CCDC88B: variants seen among roughly 807,000 people sequenced by gnomAD.
The protein encoded by CCDC88B is coiled-coil domain-containing protein 88B.
CCDC88B carries 138 observed loss-of-function variants against 183.7 expected under a neutral mutation model. That is an observed-to-expected ratio of 0.75 (90% CI 0.65 to 0.87). The LOEUF is 0.87. Among genes scored for constraint, CCDC88B ranks in the 40% least tolerant of loss-of-function variants. The pLI is 0.00. For missense variants in CCDC88B, 1,822 were observed against 1,965.6 expected (o/e 0.93, Z 1.38); for synonymous variants, 835 against 867.5 (o/e 0.96, Z 0.66).
intron 16 of CCDC88B, chr11:64,350,811 A>T: frequency 5.6e-6 from 1 of 179,790 alleles, no homozygotes; most frequent in Non-Finnish European, 1.2e-5. Flanking sequence ...CAGAGGTTGC[A>T]GTGAGCCCAG....
rs1197715794 is a variant in CCDC88B at position 64,343,658 on chromosome 11, G to C, written c.1318+43G>C. On this transcript the variant is annotated intron_variant, in intron 12 of 26. Transcript: ENST00000356786. ...AAGGGCTGGGGTGGGGGCTTCCTAT[G>C]CTTTCCAGCAGTGTACTGGGGAGAG... 3 of 1,548,578 alleles carry C rather than the reference G, an allele frequency of 1.9e-6. No homozygotes were observed. In the Admixed American group the frequency reaches 5.9e-5, roughly 30 times the overall value.
Position 64,353,396 on chromosome 11 carries a change from C to T in CCDC88B, c.3733C>T (p.Leu1245=), listed in dbSNP as rs1331647045. The T allele has an allele frequency of 6.2e-7, 1 of 1,613,402 alleles. No homozygotes were observed. The highest frequency in any genetic ancestry group is 1.3e-5 in the African/African-American group (1 of 74,930). Residue 1245 remains leucine (L), a synonymous_variant, in exon 22 of 27, where the codon CTG becomes TTG. Transcript: ENST00000356786. ...TGCCCAGGAAGAGGAGAACCGGCAGCTGCTGGCTGAAGTTCAGGCCCTGAG... is the reference window on the plus strand; with the variant it reads ...TGCCCAGGAAGAGGAGAACCGGCAGTTGCTGGCTGAAGTTCAGGCCCTGAG... ...RSAQEEENRQ[L]LAEVQALSRE...
Position 64,349,589 on chromosome 11 carries a change from A to AGGC in CCDC88B, c.2791_2793dup (p.Ala931dup), listed in dbSNP as rs962993522. 5.6e-6 allele frequency: 9 copies of AGGC among 1,601,018 alleles called. No individual in the cohort carries two copies. The highest frequency in any genetic ancestry group is 6.8e-6 in the Non-Finnish European group (8 of 1,175,450). The stretch of plus-strand genomic sequence containing the variant: ...GAGCAGCGGCTGGAAGCTGAGCTGC[A>AGGC]GGCGGCGGCGACCAGCAAGGAGGAG... On this transcript the variant is annotated inframe_insertion, in exon 16 of 27. Transcript: ENST00000356786.
At chr11:64,355,109 T>G in intron 24 of CCDC88B, 85 bp from the exon 25 acceptor site, 1 of 461,554 alleles carries the variant, frequency 2.2e-6, no homozygotes, top group South Asian at 1.1e-4. Context: ...AGCCTCAGCC[T>G]CCCCCCATTC....
Position 64,351,467 on chromosome 11 carries a change from T to C in CCDC88B, c.2959-9T>C. 6.3e-7 allele frequency: 1 copy of C among 1,584,186 alleles called. No homozygotes were observed. The highest frequency in any genetic ancestry group is 8.5e-7 in the Non-Finnish European group (1 of 1,172,362). On this transcript the variant is annotated splice_polypyrimidine_tract_variant and intron_variant, in intron 17 of 26. Coordinates refer to ENST00000356786, the MANE Select transcript of CCDC88B (RefSeq NM_032251.6). ...CACCTGGCTATTGCTAACCCCCACT[T>C]CTGGGCAGAATGCGATGCTGGTGGC...
At position 64,341,698 on chromosome 11, in the gene CCDC88B, G is replaced by C. The variant is rs762055626; in HGVS notation, c.631G>C (p.Gly211Arg). 21 of 1,604,578 alleles carry C rather than the reference G, an allele frequency of 1.3e-5. No individual in the cohort carries two copies. The East Asian group carries it at 4.7e-4, about 36-fold the overall frequency. ...GGAGATGCTGTCCCGGAGCCTGATG[G>C]GGACACTGTCGAAGCTGGCACGGGA... is the stretch of plus-strand genomic sequence containing the variant. ...ELEMLSRSLM[G>R]TLSKLARERD... is the part of the protein sequence containing the mutation. Residue 211 changes from glycine to arginine, a missense_variant, in exon 7 of 27, where the codon GGG becomes CGG. Coordinates refer to ENST00000356786, the MANE Select transcript of CCDC88B (RefSeq NM_032251.6).
rs202223617 is a variant in CCDC88B at position 64,352,818 on chromosome 11, T to C, written c.3431T>C (p.Leu1144Pro). The change falls in exon 20 of 27, where the codon CTG becomes CCG. Residue 1144 changes from leucine (L) to proline (P), a missense_variant. Physicochemically the swap from Leu to Pro is moderately conservative, Grantham distance 98. Transcript: ENST00000356786. ...EVALLAERER[L>P]MQDGHRQRGL... Reference sequence around the variant, plus strand: ...GCCCTGCTGGCAGAGCGTGAACGCCTGATGCAAGATGGGCATCGGCAGCGG... The same window carrying C: ...GCCCTGCTGGCAGAGCGTGAACGCCCGATGCAAGATGGGCATCGGCAGCGG... The C allele has an allele frequency of 6.2e-7, 1 of 1,613,130 alleles. No individual in the cohort carries two copies. The highest frequency in any genetic ancestry group is 2.2e-5 in the East Asian group (1 of 44,876).
chr11:64,353,264 G>T lies in CCDC88B; in HGVS notation c.3687+24G>T, dbSNP rs775181215. The T allele has an allele frequency of 1.7e-5, 27 of 1,566,062 alleles. No individual in the cohort carries two copies. The East Asian group carries it at 5.0e-4, about 29-fold the overall frequency. On this transcript the variant is annotated intron_variant, in intron 21 of 26. Transcript: ENST00000356786. ...AGGTGTGGCTGGAGGGCCGGTGGGG[G>T]TATGGGCGTGTGGTGGGGCAGAAAG...
chr11:64,347,758 G>A (rs2036168159), intron 14 of CCDC88B, among the ~76,000 whole-genome samples: 1 of 152,090 alleles, frequency 6.6e-6, no homozygotes, highest in Non-Finnish European at 1.5e-5. Flanking sequence ...AATAAAAATT[G>A]TACCTGCCTT....
chr11:64,340,638 C>A lies in CCDC88B; in HGVS notation c.92C>A (p.Ala31Glu). ...ALGLAGLVGE[A>E]EDSEGEEEEE... ...GGACTGGCCGGGCTGGTCGGGGAGG[C>A]GGAGGACTCGGAGGGGGAAGAAGAG... Residue 31 changes from alanine (A) to glutamate (E), a missense_variant, in exon 2 of 27, where the codon GCG becomes GAG. Transcript: ENST00000356786. The A allele has an allele frequency of 6.2e-7, 1 of 1,610,062 alleles. No homozygotes were observed.
chr11:64,351,186 G>A lies in CCDC88B; in HGVS notation c.2889G>A (p.Gly963=). The change falls in exon 17 of 27, where the codon GGG becomes GGA. Residue 963 remains glycine (G), a synonymous_variant. Transcript: ENST00000356786. The part of the protein sequence containing the change: ...FQLRQGPAGL[G]PKKRAEPQLV... The stretch of plus-strand genomic sequence containing the variant: ...TGCGCCAGGGCCCCGCGGGGCTGGG[G>A]CCCAAAAAGCGTGCGGAGCCTCAGC... 6.6e-7 allele frequency: 1 copy of A among 1,509,240 alleles called. No homozygotes were observed. The highest frequency in any genetic ancestry group is 2.5e-5 in the East Asian group (1 of 40,628). The allele number at this position is 1,509,240 out of a possible 1,614,324, so 93.5% of individuals were successfully genotyped here.
chr11:64,346,274 CTT>C (rs1565049874), intron 14 of CCDC88B, among the ~76,000 whole-genome samples: 2 of 152,044 alleles, frequency 1.3e-5, no homozygotes, highest in East Asian at 1.9e-4. Context: ...GGACTGGACA[CTT>C]TTTTCTTTTT....
In CCDC88B at chr11:64,354,110, G is replaced by T; in HGVS notation, c.4039G>T (p.Glu1347Ter). Residue 1347 changes from glutamate to a stop codon, truncating the protein, a stop_gained, in exon 24 of 27, where the codon GAG becomes TAG. Transcript: ENST00000356786. LOFTEE classifies it high-confidence loss of function. ...RLGADGAGST[E>*]SLGGPPETEL... ...GGGGGCCGATGGGGCTGGCAGCACC[G>T]AGAGCCTGGGGGGCCCCCCGGAGAC... 7.2e-7 allele frequency: 1 copy of T among 1,385,454 alleles called. No homozygotes were observed. The highest frequency in any genetic ancestry group is 2.0e-5 in the South Asian group (1 of 51,136). The allele number at this position is 1,385,454 out of a possible 1,614,324, so 85.8% of individuals were successfully genotyped here. A position where few individuals can be genotyped will look rare whatever the true frequency, so the allele number is the denominator to read the frequency against.
In CCDC88B at chr11:64,342,050, C is replaced by T; in HGVS notation, c.732C>T (p.Pro244=). The T allele has an allele frequency of 3.7e-6, 6 of 1,612,208 alleles. No individual in the cohort carries two copies. Among genetic ancestry groups the T allele is most frequent in the Non-Finnish European group, 5.1e-6 (6 of 1,179,592 alleles). The stretch of plus-strand genomic sequence containing the variant: ...CCCTCTGCTTGAGGCCTGAGGCTCC[C>T]TCTAGGGCTCCCGCCGAGGGCCCCT... ...REPLCLRPEA[P]SRAPAEGPSH... is the part of the protein sequence containing the mutation. The change falls in exon 8 of 27, where the codon CCC becomes CCT. Residue 244 remains proline (P), a synonymous_variant. Transcript: ENST00000356786.
chr11:64,352,555 T>C (rs1321744471), intron 19 of CCDC88B, among the ~76,000 whole-genome samples, 169 bp downstream of exon 19: 1 of 152,242 alleles, frequency 6.6e-6, no homozygotes, highest in East Asian at 1.9e-4. Context: ...ACTTCTGGGT[T>C]GGGCTCCCCG....
At position 64,355,203 on chromosome 11, in the gene CCDC88B, C is replaced by T. The variant is rs757537141; in HGVS notation, c.4109C>T (p.Ser1370Phe). Reference protein sequence around the residue: ...GREADGTGSPSPAPMRRAQSS... With the variant: ...GREADGTGSPFPAPMRRAQSS... Reference sequence around the variant, plus strand: ...CATGTACCTCTTGCAGGGTCCCCTTCCCCGGCACCCATGCGCCGGGCCCAG... The same window carrying T: ...CATGTACCTCTTGCAGGGTCCCCTTTCCCGGCACCCATGCGCCGGGCCCAG... The change falls in exon 25 of 27, where the codon TCC becomes TTC. Residue 1370 changes from serine to phenylalanine, a missense_variant. Coordinates refer to ENST00000356786, the MANE Select transcript of CCDC88B (RefSeq NM_032251.6). 72 of 1,492,178 alleles carry T rather than the reference C, an allele frequency of 4.8e-5. No homozygotes were observed. Among genetic ancestry groups the T allele is most frequent in the Non-Finnish European group, 6.2e-5 (70 of 1,123,102 alleles). 92.4% of individuals were successfully genotyped at this position (1,492,178 alleles called of 1,614,324 possible).
In CCDC88B at chr11:64,349,392, G is replaced by A. The variant is rs557823274; in HGVS notation, c.2678G>A (p.Arg893His). The change falls in exon 15 of 27, where the codon CGT (arginine) becomes CAT (histidine). Residue 893 changes from arginine (R) to histidine (H), a missense_variant. Arg to His is a conservative substitution (Grantham distance 29). Coordinates refer to ENST00000356786, the MANE Select transcript of CCDC88B (RefSeq NM_032251.6). ...GGGGACCGGCTGGAGCATTTGCAGC[G>A]TGAGCTGGAGCAGGCGGCTCTCGAG... ...ELGDRLEHLQRELEQAALERQ... is the reference protein window; with the variant it reads ...ELGDRLEHLQHELEQAALERQ... 16 of 1,613,286 alleles carry A rather than the reference G, an allele frequency of 9.9e-6. 1 individual carries two copies. Among genetic ancestry groups the A allele is most frequent in the Middle Eastern group, 1.8e-4 (1 of 5,712 alleles).
rs1425759788 is a variant in CCDC88B at position 64,344,713 on chromosome 11, C to G, written c.2172C>G (p.Val724=). Reference sequence around the variant, plus strand: ...CAGGGGAGAGCCTGGCCAGTGGTGTCGCAGAGCAGGAGGCCCTCAGGGAGG... The same window carrying G: ...CAGGGGAGAGCCTGGCCAGTGGTGTGGCAGAGCAGGAGGCCCTCAGGGAGG... The part of the protein sequence containing the change: ...PIPGESLASG[V]AEQEALREEV... Residue 724 remains valine (V), a synonymous_variant, in exon 14 of 27, where the codon GTC becomes GTG. Coordinates refer to ENST00000356786, the MANE Select transcript of CCDC88B (RefSeq NM_032251.6). This position sits in a 1 kb window ranked among gnomAD's most constrained non-coding sequence, Gnocchi z 4.5. 1 of 1,614,012 alleles carries G rather than the reference C, an allele frequency of 6.2e-7. No homozygotes were observed. Among genetic ancestry groups the G allele is most frequent in the Admixed American group, 1.7e-5 (1 of 60,018 alleles).
At chr11:64,349,098 AG>A in intron 14 of CCDC88B, 1 of 716,788 alleles carries the variant, frequency 1.4e-6, no homozygotes, top group Non-Finnish European at 2.6e-6. Context: ...CTCCCAGCCC[AG>A]GGGCCTTCCT....
Sources: gnomAD v4.1 joint callset for allele counts (sites outside exome capture counted in the v4.1 genomes callset) on GRCh38, gnomAD v4.1.1 for gene constraint, Gnocchi (gnomAD v3.1) non-coding constraint, MANE v1.5 for transcripts, NCBI Gene and HGNC (gene_info 2026-07-23, HGNC 2026-07-21) for gene names.